DCDC2: variants seen among roughly 807,000 people sequenced by gnomAD.
DCDC2 encodes the protein doublecortin domain containing 2.
Under a neutral mutation model 50.2 loss-of-function variants are expected in DCDC2, and 40 were observed. The observed-to-expected ratio is 0.80, with a 90% CI of 0.62 to 1.04. The LOEUF (loss-of-function observed/expected upper bound fraction) is 1.04. Ranked by LOEUF, DCDC2 falls within the 50% of genes least tolerant of loss-of-function variation. The probability of loss-of-function intolerance (pLI) is 0.00; values close to 1 mark genes in which losing one functional copy is unlikely to be tolerated. For missense variants in DCDC2, 570 were observed against 581.9 expected (o/e 0.98, Z 0.21); for synonymous variants, 234 against 210.6 (o/e 1.11, Z -0.96).
chr6:24,280,992 T>C (rs1351254570), intron 6 of DCDC2, among the ~76,000 whole-genome samples: 1 of 152,164 alleles, frequency 6.6e-6, no homozygotes, highest in Non-Finnish European at 1.5e-5. Context: ...AGGATCATTT[T>C]CTGCAGTTCT....
intron 7 of DCDC2, among the ~76,000 whole-genome samples, chr6:24,207,717 G>T (rs545851613): frequency 6.6e-6 from 1 of 152,106 alleles, no homozygotes; most frequent in Non-Finnish European, 1.5e-5. Context: ...ACTGCAAAGA[G>T]TAAGTCCTCA....
chr6:24,327,495 C>T (rs78398836), intron 2 of DCDC2, among the ~76,000 whole-genome samples: 8,219 of 74,496 alleles, frequency 0.11, 716 homozygotes, highest in Middle Eastern at 0.14. Flanking sequence ...TTGGCTGATA[C>T]GGAGTTTTGC....
intron 7 of DCDC2, among the ~76,000 whole-genome samples, chr6:24,206,836 C>T (rs1030227151): frequency 6.6e-6 from 1 of 152,136 alleles, no homozygotes; most frequent in Non-Finnish European, 1.5e-5. Flanking sequence ...TGCACAGTGA[C>T]ACAAAGAGAA....
intron 2 of DCDC2, among the ~76,000 whole-genome samples, chr6:24,342,902 C>T (rs1760185555): frequency 6.6e-6 from 1 of 152,162 alleles, no homozygotes; most frequent in Admixed American, 6.5e-5. Flanking sequence ...TACTTTCCAA[C>T]ATTTTTACTC....
chr6:24,376,318 G>C, the DCDC2 span, among the ~76,000 whole-genome samples: 1 of 152,240 alleles, frequency 6.6e-6, no homozygotes, highest in Non-Finnish European at 1.5e-5. Flanking sequence ...GGGGAGGTGA[G>C]AGTCATTCTG....
intron 7 of DCDC2, among the ~76,000 whole-genome samples, chr6:24,236,002 G>A (rs1341403457): frequency 2.0e-5 from 3 of 152,082 alleles, no homozygotes; most frequent in African/African-American, 7.2e-5. Context: ...AAGAGCCAAT[G>A]TCATTAAAAT....
intron 7 of DCDC2, among the ~76,000 whole-genome samples, chr6:24,221,820 C>G (rs1762124894): frequency 6.6e-6 from 1 of 152,204 alleles, no homozygotes; most frequent in African/African-American, 2.4e-5. Flanking sequence ...GTTTCTCCCT[C>G]CATGATGCCT....
chr6:24,263,167 G>A (rs577916553), intron 7 of DCDC2, among the ~76,000 whole-genome samples: 75 of 152,280 alleles, frequency 4.9e-4, no homozygotes, highest in South Asian at 8.3e-4. Context: ...AGCATTACTC[G>A]GCTTGAGGTG....
the DCDC2 span, among the ~76,000 whole-genome samples, chr6:24,379,012 G>A: frequency 6.7e-6 from 1 of 148,826 alleles, no homozygotes; most frequent in Admixed American, 6.7e-5. Flanking sequence ...GCTGAAACTG[G>A]ATCCCTTCCT....
intron 9 of DCDC2, among the ~76,000 whole-genome samples, chr6:24,175,116 T>C (rs1325557673): frequency 6.6e-6 from 1 of 152,214 alleles, no homozygotes; most frequent in Non-Finnish European, 1.5e-5. Flanking sequence ...CATTTTTTCT[T>C]GATTTCTCTT....
At chr6:24,194,690 T>C (rs1039990781) in intron 8 of DCDC2, among the ~76,000 whole-genome samples, 2 of 152,212 alleles carry the variant, frequency 1.3e-5, no homozygotes, top group Non-Finnish European at 1.5e-5. Flanking sequence ...ATGGGGCGTA[T>C]TGACATAGGG....
At chr6:24,241,803 G>A (rs1022402332) in intron 7 of DCDC2, among the ~76,000 whole-genome samples, 2 of 152,186 alleles carry the variant, frequency 1.3e-5, no homozygotes, top group African/African-American at 4.8e-5. Context: ...CCTAAAGACA[G>A]TAGAATATAT....
At chr6:24,266,941 T>C (rs1373059046) in intron 7 of DCDC2, among the ~76,000 whole-genome samples, 2 of 152,064 alleles carry the variant, frequency 1.3e-5, no homozygotes. Flanking sequence ...AAAGAAAACG[T>C]GGTATAGACA....
At chr6:24,244,843 G>T (rs538567396) in intron 7 of DCDC2, among the ~76,000 whole-genome samples, 1 of 152,202 alleles carries the variant, frequency 6.6e-6, no homozygotes, top group Non-Finnish European at 1.5e-5. Flanking sequence ...ATGGATTGAG[G>T]TGACACAGAC....
the DCDC2 span, among the ~76,000 whole-genome samples, chr6:24,380,334 T>G: frequency 6.6e-6 from 1 of 152,200 alleles, no homozygotes; most frequent in Non-Finnish European, 1.5e-5. Flanking sequence ...TGCATATTGT[T>G]TGTTCTAAAA....
chr6:24,343,051 CTTTTTT>C (rs11322032), intron 2 of DCDC2, among the ~76,000 whole-genome samples: 1 of 124,106 alleles, frequency 8.1e-6, no homozygotes. Flanking sequence ...GGTAAATATT[CTTTTTT>C]TTTTTTTTTT....
At chr6:24,338,396 G>A (rs1400452213) in intron 2 of DCDC2, among the ~76,000 whole-genome samples, 2 of 151,902 alleles carry the variant, frequency 1.3e-5, no homozygotes, top group East Asian at 3.9e-4. Context: ...GAAAGGGAAT[G>A]CCATCTATCC....
chr6:24,274,228 C>CTA (rs1413469267), intron 7 of DCDC2, among the ~76,000 whole-genome samples: 1 of 152,178 alleles, frequency 6.6e-6, no homozygotes, highest in Non-Finnish European at 1.5e-5. Flanking sequence ...CACAAGGGTT[C>CTA]TAAAAGCACT....
chr6:24,224,753 C>A (rs77951562), intron 7 of DCDC2, among the ~76,000 whole-genome samples: 4,035 of 152,238 alleles, frequency 0.027, 90 homozygotes, highest in African/African-American at 0.059. Context: ...GCTACCAGCT[C>A]CCTCTTCTGT....
Sources: gnomAD v4.1 joint callset for allele counts (sites outside exome capture counted in the v4.1 genomes callset) on GRCh38, gnomAD v4.1.1 for gene constraint, MANE v1.5 for transcripts, NCBI Gene and HGNC (gene_info 2026-07-23, HGNC 2026-07-21) for gene names.